Variants in LRRD1 observed in about 807,000 individuals in gnomAD.
LRRD1 encodes the protein leucine rich repeats and death domain containing 1, also known as leucine-rich repeat and death domain-containing protein 1.
LRRD1 carries 49 observed loss-of-function variants against 69.5 expected under a neutral mutation model. The observed-to-expected ratio is 0.70, with a 90% CI of 0.56 to 0.89. LRRD1 has a LOEUF of 0.89. Ranked by LOEUF, LRRD1 falls within the 40% of genes least tolerant of loss-of-function variation. The pLI is 0.00. For synonymous variants in LRRD1, 303 were observed against 338.9 expected, an observed-to-expected ratio of 0.89 and a Z score of 1.16; for missense variants, 853 against 956.0, an observed-to-expected ratio of 0.89 and a Z score of 1.42.
chr7:92,178,397 G>A lies in LRRD1; in HGVS notation c.-75+610C>T, dbSNP rs867350891. 2.0e-5 allele frequency among the ~76,000 whole-genome samples: 3 copies of A among 152,190 alleles called. No homozygotes were observed. In the Middle Eastern group the frequency reaches 0.01, roughly 518 times the overall value. ...ATCTCACTTAAAAACATGGCTGGGCGCGGTGGTTCACGCCTGTAATCCCAC... is the reference window on the plus strand; with the variant it reads ...ATCTCACTTAAAAACATGGCTGGGCACGGTGGTTCACGCCTGTAATCCCAC... On this transcript the variant is annotated intron_variant, in intron 1 of 5. Coordinates refer to ENST00000458448, the MANE Select transcript of LRRD1 (RefSeq NM_001161528.2).
intron 3 of LRRD1, among the ~76,000 whole-genome samples, chr7:92,151,994 T>C (rs937840337): frequency 6.6e-6 from 1 of 150,444 alleles, no homozygotes; most frequent in African/African-American, 2.4e-5. Context: ...AATGAATTTG[T>C]AGTCATTTAG....
chr7:92,142,935 A>G (rs1305134407), downstream of LRRD1: 3 of 299,386 alleles, frequency 1.0e-5, no homozygotes, highest in Non-Finnish European at 2.0e-5. Context: ...GCAGTGTGGA[A>G]GGGGACCGGA....
chr7:92,149,988 C>T (rs572131774), intron 4 of LRRD1: 6 of 432,728 alleles, frequency 1.4e-5, no homozygotes, highest in African/African-American at 8.1e-5. Flanking sequence ...TAGGAAACAG[C>T]CCACCCCTCC....
chr7:92,167,470 T>C (rs1260486214), intron 1 of LRRD1, among the ~76,000 whole-genome samples: 1 of 152,190 alleles, frequency 6.6e-6, no homozygotes, highest in East Asian at 1.9e-4. Flanking sequence ...AGGAACTTTC[T>C]TTACTATTAT....
intron 1 of LRRD1, among the ~76,000 whole-genome samples, chr7:92,177,874 A>G (rs1789231053): frequency 6.6e-6 from 1 of 152,198 alleles, no homozygotes; most frequent in South Asian, 2.1e-4. Context: ...TTTAAACAGC[A>G]CAGATATGCA....
At chr7:92,172,974 A>G (rs1370920640) in intron 1 of LRRD1, among the ~76,000 whole-genome samples, 2 of 152,236 alleles carry the variant, frequency 1.3e-5, no homozygotes, top group Non-Finnish European at 2.9e-5. Context: ...CCAAATCAAC[A>G]TGATACTGGC....
intron 1 of LRRD1, among the ~76,000 whole-genome samples, chr7:92,168,463 C>T (rs752540595): frequency 6.6e-6 from 1 of 152,148 alleles, no homozygotes; most frequent in Non-Finnish European, 1.5e-5. Flanking sequence ...AGTGCCTATT[C>T]AGCAGCACCA....
At chr7:92,157,911 G>A (rs892694808) in intron 3 of LRRD1, among the ~76,000 whole-genome samples, 3 of 151,946 alleles carry the variant, frequency 2.0e-5, no homozygotes, top group African/African-American at 7.3e-5. Context: ...ATACTTGAAA[G>A]AATTCACCAG....
At chr7:92,146,918 G>A (rs568440127) in intron 4 of LRRD1, among the ~76,000 whole-genome samples, 43 of 145,228 alleles carry the variant, frequency 3.0e-4, no homozygotes, top group East Asian at 1.4e-3. Context: ...GTGAAACTCC[G>A]TCTCATAAAA....
rs544632464 is a variant in LRRD1, at chr7:92,164,714, G to A, written c.489C>T (p.Ile163=). The change falls in exon 2 of 6, where the codon ATC becomes ATT. Residue 163 remains isoleucine, a synonymous_variant. Transcript: ENST00000458448. ...LQEFPKDILK[I]KYVKYLYLDK... ...CTAAATATAGATATTTTACATATTT[G>A]ATTTTTAAAATGTCCTTAGGAAATT... is the stretch of plus-strand genomic sequence containing the variant. 1.1e-4 allele frequency: 167 copies of A among 1,550,318 alleles called. No individual in the cohort carries two copies. The highest frequency in any genetic ancestry group is 1.4e-4 in the Non-Finnish European group (161 of 1,146,400).
At chr7:92,155,492 C>G (rs1278538447) in intron 3 of LRRD1, among the ~76,000 whole-genome samples, 1 of 152,092 alleles carries the variant, frequency 6.6e-6, no homozygotes, top group African/African-American at 2.4e-5. Context: ...GGGGAACTAC[C>G]ATGGCAAAAA....
chr7:92,164,828 A>G lies in LRRD1; in HGVS notation c.375T>C (p.Val125=), dbSNP rs1438787217. The change falls in exon 2 of 6, where the codon GTT becomes GTC. Residue 125 remains valine, a synonymous_variant. Coordinates refer to ENST00000458448, the MANE Select transcript of LRRD1 (RefSeq NM_001161528.2). ...NFLSHETVGE[V]SPQVSEENQK... ...GATTTTCTTCAGAGACTTGTGGACT[A>G]ACTTCTCCTACTGTTTCATGAGATA... 6.4e-7 allele frequency: 1 copy of G among 1,551,628 alleles called. No homozygotes were observed. Among genetic ancestry groups the G allele is most frequent in the Admixed American group, 2.0e-5 (1 of 51,006 alleles).
chr7:92,162,588 A>G (rs1788813612), intron 2 of LRRD1, among the ~76,000 whole-genome samples: 1 of 152,204 alleles, frequency 6.6e-6, no homozygotes, highest in African/African-American at 2.4e-5. Context: ...ATTCTTATTG[A>G]TCTAGCAATT....
intron 2 of LRRD1, among the ~76,000 whole-genome samples, chr7:92,159,620 C>CTT (rs1183950471): frequency 9.8e-5 from 11 of 112,182 alleles, no homozygotes; most frequent in East Asian, 2.7e-4. Context: ...ATCAACATTG[C>CTT]TTTTTTTTTT....
Position 92,164,444 on chromosome 7 carries a change from T to G in LRRD1, c.759A>C (p.Leu253Phe), listed in dbSNP as rs900712711. The change falls in exon 2 of 6, where the codon TTA (leucine) becomes TTC (phenylalanine). Residue 253 changes from leucine to phenylalanine, a missense_variant. By Grantham distance (22) the Leu-to-Phe change is conservative. Coordinates refer to ENST00000458448, the MANE Select transcript of LRRD1 (RefSeq NM_001161528.2). ...NNYIENFPSDLECLGNLEILS... is the reference protein window; with the variant it reads ...NNYIENFPSDFECLGNLEILS... The stretch of plus-strand genomic sequence containing the variant: ...AAATTTCCAAGTTTCCAAGACATTC[T>G]AAGTCAGAAGGAAAATTTTCAATGT... 1 of 1,550,306 alleles carries G rather than the reference T, an allele frequency of 6.5e-7. No homozygotes were observed. Among genetic ancestry groups the G allele is most frequent in the African/African-American group, 1.4e-5 (1 of 73,048 alleles).
At chr7:92,152,130 T>A (rs985117144) in intron 3 of LRRD1, among the ~76,000 whole-genome samples, 10 of 139,634 alleles carry the variant, frequency 7.2e-5, no homozygotes, top group African/African-American at 2.8e-4. Context: ...CTGGATACGA[T>A]GCTTCTGGGA....
rs917406577 is a variant in LRRD1 at position 92,165,187 on chromosome 7, C to T, written c.16G>A (p.Gly6Ser). 1.4e-6 allele frequency: 2 copies of T among 1,473,074 alleles called. No homozygotes were observed. The highest frequency in any genetic ancestry group is 9.0e-7 in the Non-Finnish European group (1 of 1,105,888). The allele number at this position is 1,473,074 out of a possible 1,614,324, so 91.3% of individuals were successfully genotyped here. ...GTATCCTCTAGCACTTCTGACATAC[C>T]CTCCTTTTCAGACATCTTATTTGCT... MSEKE[G>S]MSEVLEDTIS... The change falls in exon 2 of 6, where the codon GGT becomes AGT. Residue 6 changes from glycine to serine, a missense_variant. Physicochemically the swap from Gly to Ser is moderately conservative, Grantham distance 56. Coordinates refer to ENST00000458448, the MANE Select transcript of LRRD1 (RefSeq NM_001161528.2).
At chr7:92,175,050 A>G (rs1331924443) in intron 1 of LRRD1, among the ~76,000 whole-genome samples, 1 of 152,060 alleles carries the variant, frequency 6.6e-6, no homozygotes, top group Non-Finnish European at 1.5e-5. Context: ...GAGCAACAAG[A>G]GTGAAATTCC....
At chr7:92,160,462 AT>A (rs1225489230) in intron 2 of LRRD1, among the ~76,000 whole-genome samples, 4 of 152,224 alleles carry the variant, frequency 2.6e-5, no homozygotes, top group African/African-American at 9.6e-5. Flanking sequence ...GAAAAGGTAC[AT>A]TACTACAAAT....
Sources: allele counts gnomAD v4.1 joint callset (sites outside exome capture counted in the v4.1 genomes callset), GRCh38; gene constraint gnomAD v4.1.1; transcripts MANE v1.5; gene names NCBI Gene and HGNC (gene_info 2026-07-23, HGNC 2026-07-21).